The following ARHGAP17 variants were observed in gnomAD, a reference collection of about 807,000 sequenced individuals.
ARHGAP17 encodes the protein rho GTPase-activating protein 17.
A neutral mutation model predicts 99.5 loss-of-function variants in ARHGAP17; 57 were observed. The observed-to-expected ratio is 0.57, with a 90% confidence interval of 0.46 to 0.71. ARHGAP17 has a LOEUF of 0.71. ARHGAP17 is among the 30% of genes least tolerant of loss of function. The pLI, the probability that ARHGAP17 is intolerant of heterozygous loss-of-function variation, is 0.00. For synonymous variants in ARHGAP17, 417 were observed against 429.6 expected (o/e 0.97, Z 0.36); for missense variants, 1,000 against 1,122.4 (o/e 0.89, Z 1.56).
intron 1 of ARHGAP17, among the ~76,000 whole-genome samples, chr16:24,990,221 A>G (rs1298301577): frequency 3.3e-5 from 5 of 152,376 alleles, no homozygotes; most frequent in African/African-American, 9.6e-5. Context: ...ACAGTGGCTC[A>G]TGCCTGTAAT....
Position 24,968,790 on chromosome 16 carries a change from CCAA to C in ARHGAP17, c.273-21_273-19del. The C allele has an allele frequency of 6.2e-7, 1 of 1,612,756 alleles. No individual in the cohort carries two copies. Among genetic ancestry groups the C allele is most frequent in the Non-Finnish European group, 8.5e-7 (1 of 1,178,816 alleles). The stretch of plus-strand genomic sequence containing the variant: ...GCATCTTCCTTTAAAAACAAGACCC[CCAA>C]CAACGAGCACGTGCTCATTAAATCA... On this transcript the variant is annotated intron_variant, in intron 4 of 19. Coordinates refer to ENST00000289968, the MANE Select transcript of ARHGAP17 (RefSeq NM_001006634.3).
intron 10 of ARHGAP17, among the ~76,000 whole-genome samples, chr16:24,953,253 CAG>C (rs2051698881): frequency 6.6e-6 from 1 of 152,192 alleles, no homozygotes; most frequent in Admixed American, 6.5e-5. Context: ...TTAATCTGGG[CAG>C]AGTTTCTTGA....
rs112109411 is a variant in ARHGAP17 at position 24,941,133 on chromosome 16, G to A, written c.1490+854C>T. On this transcript the variant is annotated intron_variant, in intron 16 of 19. Coordinates refer to ENST00000289968, the MANE Select transcript of ARHGAP17 (RefSeq NM_001006634.3). Reference sequence around the variant, plus strand: ...CAGAATAATGCATTCTCCTTTGCTAGGGGTAAAAAATGCAATACAAAGAAC... The same window carrying A: ...CAGAATAATGCATTCTCCTTTGCTAAGGGTAAAAAATGCAATACAAAGAAC... Among the ~76,000 whole-genome samples, 173 of 152,292 alleles carry A rather than the reference G, an allele frequency of 1.1e-3. 4 individuals are homozygous for A. The highest frequency in any genetic ancestry group is 3.9e-3 in the African/African-American group (162 of 41,566).
chr16:25,008,133 T>A (rs2141524470), intron 1 of ARHGAP17, among the ~76,000 whole-genome samples: 1 of 152,322 alleles, frequency 6.6e-6, no homozygotes, highest in Non-Finnish European at 1.5e-5. Flanking sequence ...GGTATATAAC[T>A]AAAAGTAAGA....
chr16:24,979,294 C>T (rs1214949550), intron 1 of ARHGAP17, among the ~76,000 whole-genome samples: 1 of 152,168 alleles, frequency 6.6e-6, no homozygotes, highest in Non-Finnish European at 1.5e-5. Flanking sequence ...GCAGCAGGTG[C>T]TGATATAAAA....
intron 1 of ARHGAP17, among the ~76,000 whole-genome samples, chr16:25,011,355 C>G (rs2053637731): frequency 6.6e-6 from 1 of 152,136 alleles, no homozygotes; most frequent in African/African-American, 2.4e-5. Flanking sequence ...AGTATTCTTT[C>G]CCTCTGAGAC....
intron 1 of ARHGAP17, among the ~76,000 whole-genome samples, chr16:24,997,146 C>T (rs535110340): frequency 3.9e-5 from 6 of 152,012 alleles, no homozygotes; most frequent in African/African-American, 1.4e-4. Context: ...TGGTGCAAGG[C>T]GCCCAGTACA....
At chr16:25,008,370 T>C (rs1162965212) in intron 1 of ARHGAP17, among the ~76,000 whole-genome samples, 1 of 152,188 alleles carries the variant, frequency 6.6e-6, no homozygotes, top group Non-Finnish European at 1.5e-5. Flanking sequence ...ATAACAACAA[T>C]ATATGCATAT....
intron 16 of ARHGAP17, 154 bp downstream of exon 16, chr16:24,941,833 T>C: frequency 1.0e-6 from 1 of 968,998 alleles, no homozygotes; most frequent in South Asian, 1.5e-5. Flanking sequence ...GTGCTTGGAA[T>C]GACCTACAGC....
chr16:24,989,471 C>T (rs2052970263), intron 1 of ARHGAP17, among the ~76,000 whole-genome samples: 1 of 151,996 alleles, frequency 6.6e-6, no homozygotes, highest in African/African-American at 2.4e-5. Context: ...TGGTTCTTAA[C>T]CAGAGCTACA....
intron 1 of ARHGAP17, among the ~76,000 whole-genome samples, chr16:24,989,792 T>C (rs1219510412): frequency 6.6e-6 from 1 of 151,486 alleles, no homozygotes. Context: ...CTCATTCATA[T>C]GTGGGAGCCA....
intron 4 of ARHGAP17, 88 bp from the exon 5 acceptor site, chr16:24,968,860 A>C: frequency 7.9e-7 from 1 of 1,261,492 alleles, no homozygotes; most frequent in Non-Finnish European, 1.1e-6. Context: ...TTGCCATACA[A>C]CAGGAACGCA....
At chr16:24,974,651 A>T (rs1220899569) in intron 3 of ARHGAP17, among the ~76,000 whole-genome samples, 1 of 152,022 alleles carries the variant, frequency 6.6e-6, no homozygotes, top group Non-Finnish European at 1.5e-5. Context: ...GACTCTGGTG[A>T]TCAGGTTGAA....
chr16:24,978,998 T>C lies in ARHGAP17; in HGVS notation c.61A>G (p.Lys21Glu). The C allele has an allele frequency of 6.3e-7, 1 of 1,590,694 alleles. No individual in the cohort carries two copies. The highest frequency in any genetic ancestry group is 8.5e-7 in the Non-Finnish European group (1 of 1,171,004). The change falls in exon 2 of 20, where the codon AAA (lysine) becomes GAA (glutamate). Residue 21 changes from lysine (K) to glutamate (E), a missense_variant. By Grantham distance (56) the Lys-to-Glu change is moderately conservative. This residue lies in a region of ARHGAP17 where 472 missense variants were observed against 611.1 expected (regional missense o/e 0.77). Coordinates refer to ENST00000289968, the MANE Select transcript of ARHGAP17 (RefSeq NM_001006634.3). ...LANQTVGRAE[K>E]TEVLSEDLLQ... Reference sequence around the variant, plus strand: ...AGATCTTCACTAAGGACTTCTGTTTTCTCAGCTCTGTGGGAAAAATTAAAA... The same window carrying C: ...AGATCTTCACTAAGGACTTCTGTTTCCTCAGCTCTGTGGGAAAAATTAAAA...
chr16:24,943,781 G>T lies in ARHGAP17; in HGVS notation c.1323C>A (p.Phe441Leu), dbSNP rs1178111402. ...TGAAGTGAGAATTACCTTCAGGGAA[G>T]AACCAGTCGGCATGCTGAATGATGG... ...IEPIIQHADW[F>L]FPEEVEFNVS... Residue 441 changes from phenylalanine (F) to leucine (L), a missense_variant, in exon 15 of 20, where the codon TTC becomes TTA. Phe to Leu is a conservative substitution (Grantham distance 22). Around this residue, in one of 2 missense-constraint regions of ARHGAP17, gnomAD observed 472 missense variants for 611.1 expected, o/e 0.77. Coordinates refer to ENST00000289968, the MANE Select transcript of ARHGAP17 (RefSeq NM_001006634.3). The T allele has an allele frequency of 6.2e-7, 1 of 1,613,986 alleles. No individual in the cohort carries two copies. Among genetic ancestry groups the T allele is most frequent in the Non-Finnish European group, 8.5e-7 (1 of 1,179,886 alleles).
At chr16:24,924,868 TA>T (rs145017005) in intron 19 of ARHGAP17, among the ~76,000 whole-genome samples, 2 of 147,668 alleles carry the variant, frequency 1.4e-5, no homozygotes, top group Non-Finnish European at 3.0e-5. Flanking sequence ...GTCTCAAAAA[TA>T]AAAAAAAATA....
At chr16:24,948,166 G>A (rs1202134419) in intron 13 of ARHGAP17, among the ~76,000 whole-genome samples, 1 of 151,930 alleles carries the variant, frequency 6.6e-6, no homozygotes, top group Non-Finnish European at 1.5e-5. Flanking sequence ...GTACTGAGAA[G>A]GAAAAATCTC....
intron 1 of ARHGAP17, among the ~76,000 whole-genome samples, chr16:24,991,817 A>G (rs139526202): frequency 6.6e-6 from 1 of 152,328 alleles, no homozygotes; most frequent in Non-Finnish European, 1.5e-5. Flanking sequence ...CAGATTTTAG[A>G]TATTTGTTCA....
At chr16:25,007,149 T>C (rs1378476110) in intron 1 of ARHGAP17, among the ~76,000 whole-genome samples, 1 of 152,204 alleles carries the variant, frequency 6.6e-6, no homozygotes, top group Non-Finnish European at 1.5e-5. Flanking sequence ...TTTTCCAAGA[T>C]AAATAAGTTT....
Sources: gnomAD v4.1 joint callset for allele counts (sites outside exome capture counted in the v4.1 genomes callset) on GRCh38, gnomAD v4.1.1 for gene constraint, gnomAD v4.1.1 regional missense constraint, MANE v1.5 for transcripts, NCBI Gene and HGNC (gene_info 2026-07-23, HGNC 2026-07-21) for gene names.